Variants in LMO7 observed in about 807,000 individuals in gnomAD.
LMO7 encodes the protein LIM domain only protein 7.
LMO7 carries 120 observed loss-of-function variants against 206.5 expected under a neutral mutation model. The observed-to-expected ratio is 0.58, with a 90% confidence interval of 0.50 to 0.68. The LOEUF (loss-of-function observed/expected upper bound fraction) is 0.68, where lower values mean the gene tolerates loss of function less well. Among genes scored for constraint, LMO7 ranks in the 30% least tolerant of loss-of-function variants. The pLI is 0.00. For synonymous variants in LMO7, 706 were observed against 681.5 expected (o/e 1.04, Z -0.56); for missense variants, 1,959 against 1,957.9 (o/e 1.00, Z -0.01).
intron 4 of LMO7, among the ~76,000 whole-genome samples, chr13:75,774,080 T>C (rs1326076327): frequency 6.6e-6 from 1 of 152,174 alleles, no homozygotes; most frequent in Non-Finnish European, 1.5e-5. Context: ...TACTTTTTTT[T>C]CCAGCTTTAT....
chr13:75,670,966 C>CTT (rs552236505), intron 1 of LMO7, among the ~76,000 whole-genome samples: 1,118 of 100,044 alleles, frequency 0.011, 19 homozygotes, highest in South Asian at 0.025. Flanking sequence ...ATGTTTAAAA[C>CTT]TTTTTTTTTT....
At position 75,805,550 on chromosome 13, in the gene LMO7, G is replaced by A. The variant is rs1259365311; in HGVS notation, c.986G>A (p.Cys329Tyr). The A allele has an allele frequency of 1.2e-6, 2 of 1,613,944 alleles. No homozygotes were observed. Among genetic ancestry groups the A allele is most frequent in the South Asian group, 2.2e-5 (2 of 91,078 alleles). Residue 329 changes from cysteine to tyrosine, a missense_variant, in exon 9 of 31, where the codon TGT (cysteine) becomes TAT (tyrosine). Coordinates refer to ENST00000377534, the MANE Select transcript of LMO7 (RefSeq NM_001306080.2). ...PTVQGTSKSS[C>Y]YLEEEKAKTR... ...GTACAAGGAACTTCAAAGTCCTCTTGTTATTTGGAAGAGGAAAAAGCAAAG... is the reference window on the plus strand; with the variant it reads ...GTACAAGGAACTTCAAAGTCCTCTTATTATTTGGAAGAGGAAAAAGCAAAG...
At chr13:75,760,818 C>G (rs761601289) in intron 3 of LMO7, 114 bp from the exon 4 acceptor site, 3 of 1,553,760 alleles carry the variant, frequency 1.9e-6, no homozygotes, top group Non-Finnish European at 2.6e-6. Flanking sequence ...TTGCTGCTGC[C>G]TCTTTTGCTG....
At chr13:75,759,525 T>C (rs994328995) in intron 3 of LMO7, among the ~76,000 whole-genome samples, 3 of 152,230 alleles carry the variant, frequency 2.0e-5, no homozygotes, top group Admixed American at 6.5e-5. Flanking sequence ...ACACCTTTCA[T>C]TGAGCTGTTC....
At chr13:75,641,266 C>T (rs1331539239) in intron 1 of LMO7, among the ~76,000 whole-genome samples, 2 of 152,222 alleles carry the variant, frequency 1.3e-5, no homozygotes, top group Non-Finnish European at 2.9e-5. Context: ...CATCTGCCCA[C>T]TAGGCTGGAA....
chr13:75,688,191 A>C (rs1295774217), intron 1 of LMO7, among the ~76,000 whole-genome samples: 1 of 152,166 alleles, frequency 6.6e-6, no homozygotes, highest in Non-Finnish European at 1.5e-5. Context: ...GCAGCATGAG[A>C]GCAGAGTAAC....
intron 4 of LMO7, among the ~76,000 whole-genome samples, chr13:75,766,373 A>G (rs1205554992): frequency 6.6e-6 from 1 of 151,408 alleles, no homozygotes; most frequent in Non-Finnish European, 1.5e-5. Flanking sequence ...GGGGGTATGT[A>G]TGCTTAAATC....
At chr13:75,840,643 C>T in intron 22 of LMO7, 148 bp downstream of exon 22, 2 of 969,242 alleles carry the variant, frequency 2.1e-6, no homozygotes, top group Non-Finnish European at 3.0e-6. Context: ...TTCCATAAAA[C>T]AATTACTTTT....
upstream of LMO7, among the ~76,000 whole-genome samples, chr13:75,632,916 A>C (rs1253502188): frequency 8.2e-6 from 1 of 122,268 alleles, no homozygotes; most frequent in Non-Finnish European, 1.6e-5. Context: ...GCTGGAGTGC[A>C]GTGCCGTGGT....
intron 1 of LMO7, among the ~76,000 whole-genome samples, chr13:75,659,065 A>G (rs575264973): frequency 9.9e-5 from 15 of 151,946 alleles, no homozygotes; most frequent in African/African-American, 3.1e-4. Context: ...TTTTTCTCTT[A>G]TTACCTTGGT....
chr13:75,752,028 A>C (rs2047311216), intron 3 of LMO7, among the ~76,000 whole-genome samples: 3 of 152,218 alleles, frequency 2.0e-5, no homozygotes, highest in South Asian at 4.1e-4. Context: ...TTGCATAATG[A>C]AATGATTCAA....
At position 75,796,750 on chromosome 13, in the gene LMO7, G is replaced by GA. The variant is rs2054062708; in HGVS notation, c.462+1_462+2insA. 2 of 1,539,100 alleles carry GA rather than the reference G, an allele frequency of 1.3e-6. No homozygotes were observed. The highest frequency in any genetic ancestry group is 2.7e-5 in the African/African-American group (2 of 73,344). ...TCTTTTAGGACAAGCACTGACGAAG[G>GA]TAAGTAAACTACATCTGTGTGAGAT... is the stretch of plus-strand genomic sequence containing the variant. On this transcript the variant is annotated splice_donor_variant, in intron 6 of 30. Transcript: ENST00000377534. LOFTEE classifies it high-confidence loss of function.
intron 27 of LMO7, among the ~76,000 whole-genome samples, chr13:75,852,245 A>G (rs1406467422): frequency 6.6e-6 from 1 of 152,218 alleles, no homozygotes; most frequent in African/African-American, 2.4e-5. Flanking sequence ...TAAAAATAAA[A>G]ATAAACAAAG....
upstream of LMO7, among the ~76,000 whole-genome samples, chr13:75,635,336 C>G (rs2035642930): frequency 2.0e-5 from 3 of 152,078 alleles, no homozygotes; most frequent in Non-Finnish European, 4.4e-5. Flanking sequence ...AGTGAGGGAC[C>G]AGGGAGCTCA....
At chr13:75,693,592 T>C (rs1018021298) in intron 1 of LMO7, among the ~76,000 whole-genome samples, 1 of 152,244 alleles carries the variant, frequency 6.6e-6, no homozygotes, top group Non-Finnish European at 1.5e-5. Flanking sequence ...AGGGTAATTA[T>C]CATTATTCTC....
intron 2 of LMO7, among the ~76,000 whole-genome samples, chr13:75,719,317 T>G (rs1466890420): frequency 6.6e-6 from 1 of 152,186 alleles, no homozygotes; most frequent in Non-Finnish European, 1.5e-5. Context: ...CGTTCTACTG[T>G]CTGGAGGTTC....
chr13:75,731,869 T>C (rs2045270328), intron 3 of LMO7, among the ~76,000 whole-genome samples: 1 of 152,042 alleles, frequency 6.6e-6, no homozygotes. Context: ...TAAAGTATTT[T>C]ATTTCTCCTT....
At chr13:75,728,761 C>T (rs1260265151) in intron 3 of LMO7, among the ~76,000 whole-genome samples, 6 of 135,290 alleles carry the variant, frequency 4.4e-5, no homozygotes, top group Non-Finnish European at 9.3e-5. Context: ...GGTTTTAGGT[C>T]TAACGTTTAA....
intron 11 of LMO7, among the ~76,000 whole-genome samples, chr13:75,812,190 A>G (rs146103368): frequency 1.9e-4 from 29 of 152,314 alleles, no homozygotes; most frequent in African/African-American, 6.5e-4. Flanking sequence ...AGTGCCCTAC[A>G]ACAAATAGTT....
Sources: gnomAD v4.1 joint callset for allele counts (sites outside exome capture counted in the v4.1 genomes callset) on GRCh38, gnomAD v4.1.1 for gene constraint, MANE v1.5 for transcripts, NCBI Gene and HGNC (gene_info 2026-07-23, HGNC 2026-07-21) for gene names.